The following GALNTL6 variants were observed in gnomAD, a reference collection of about 807,000 sequenced individuals.
GALNTL6 encodes the protein polypeptide N-acetylgalactosaminyltransferase like 6.
A neutral mutation model predicts 73.7 loss-of-function variants in GALNTL6; 46 were observed. The observed-to-expected ratio is 0.62, with a 90% CI of 0.49 to 0.80. The LOEUF (loss-of-function observed/expected upper bound fraction) is 0.80, where lower values mean the gene tolerates loss of function less well. GALNTL6 is among the 30% of genes least tolerant of loss of function. GALNTL6 has a pLI of 0.00. For missense variants in GALNTL6, 604 were observed against 755.0 expected (o/e 0.80, Z 2.34); for synonymous variants, 259 against 263.7 (o/e 0.98, Z 0.17).
chr4:172,501,805 C>A (rs72995078), intron 5 of GALNTL6, among the ~76,000 whole-genome samples: 108 of 152,198 alleles, frequency 7.1e-4, no homozygotes, highest in African/African-American at 2.5e-3. Flanking sequence ...GTATAAGCCT[C>A]CTATAGTTGA....
intron 2 of GALNTL6, among the ~76,000 whole-genome samples, chr4:172,105,049 T>C (rs926007299): frequency 7.3e-5 from 11 of 151,378 alleles, no homozygotes; most frequent in Non-Finnish European, 1.3e-4. Context: ...CAATAGCAAA[T>C]GCAAATAGAT....
At chr4:171,972,706 C>T (rs978820024) in intron 2 of GALNTL6, among the ~76,000 whole-genome samples, 4 of 151,844 alleles carry the variant, frequency 2.6e-5, no homozygotes, top group Non-Finnish European at 4.4e-5. Flanking sequence ...ATAGAATTAA[C>T]TTTTTATAAC....
chr4:172,415,676 C>T (rs1468165385), intron 5 of GALNTL6, among the ~76,000 whole-genome samples: 2 of 152,086 alleles, frequency 1.3e-5, no homozygotes, highest in African/African-American at 2.4e-5. Flanking sequence ...CATCCGCGGA[C>T]TCACGTCTCC....
chr4:172,982,409 CTTTG>C (rs1366516700), intron 10 of GALNTL6, among the ~76,000 whole-genome samples: 1 of 152,190 alleles, frequency 6.6e-6, no homozygotes, highest in Non-Finnish European at 1.5e-5. Context: ...GGCTAAGCTT[CTTTG>C]TTTATTTGTG....
intron 2 of GALNTL6, among the ~76,000 whole-genome samples, chr4:171,870,360 C>T (rs1473778594): frequency 6.6e-6 from 1 of 152,164 alleles, no homozygotes; most frequent in Non-Finnish European, 1.5e-5. Context: ...ACAAAGAGGC[C>T]TCTTCCAGAC....
At chr4:172,250,915 A>G (rs1037969710) in intron 3 of GALNTL6, among the ~76,000 whole-genome samples, 1 of 152,198 alleles carries the variant, frequency 6.6e-6, no homozygotes, top group Non-Finnish European at 1.5e-5. Flanking sequence ...CACCTGGAGC[A>G]CACTGCACAA....
chr4:172,343,600 A>C (rs1212823524), intron 4 of GALNTL6, among the ~76,000 whole-genome samples: 1 of 152,196 alleles, frequency 6.6e-6, no homozygotes, highest in Non-Finnish European at 1.5e-5. Flanking sequence ...AATAAATGTT[A>C]AGTATGTGTT....
chr4:172,526,730 T>C (rs1734970231), intron 5 of GALNTL6, among the ~76,000 whole-genome samples: 2 of 152,170 alleles, frequency 1.3e-5, no homozygotes, highest in South Asian at 4.1e-4. Context: ...TCGTACTTCT[T>C]AGATCCTTTA....
At chr4:172,976,963 AT>A (rs2126421695) in intron 10 of GALNTL6, among the ~76,000 whole-genome samples, 1 of 152,358 alleles carries the variant, frequency 6.6e-6, no homozygotes, top group South Asian at 2.1e-4. Context: ...TGTGAGTAAA[AT>A]CAGTGCATTT....
At chr4:172,176,494 C>T (rs1304796018) in intron 2 of GALNTL6, among the ~76,000 whole-genome samples, 1 of 151,526 alleles carries the variant, frequency 6.6e-6, no homozygotes. Flanking sequence ...AGAATGTAGC[C>T]ATTTGGGGAC....
At chr4:172,469,793 TA>T (rs1248856352) in intron 5 of GALNTL6, among the ~76,000 whole-genome samples, 1 of 152,214 alleles carries the variant, frequency 6.6e-6, no homozygotes, top group African/African-American at 2.4e-5. Context: ...TTTATTTATT[TA>T]AAAAATAATT....
chr4:171,920,052 A>C (rs1489379492), intron 2 of GALNTL6, among the ~76,000 whole-genome samples: 1 of 152,212 alleles, frequency 6.6e-6, no homozygotes, highest in East Asian at 1.9e-4. Context: ...TGTGGCACAT[A>C]TACGCCATGG....
chr4:172,926,255 C>G (rs1170907918), intron 8 of GALNTL6, among the ~76,000 whole-genome samples: 2 of 152,168 alleles, frequency 1.3e-5, no homozygotes, highest in Non-Finnish European at 2.9e-5. Flanking sequence ...GAACTCTACC[C>G]TCATAACTTA....
chr4:172,128,523 T>C (rs1187787250), intron 2 of GALNTL6, among the ~76,000 whole-genome samples: 2 of 152,188 alleles, frequency 1.3e-5, no homozygotes, highest in African/African-American at 4.8e-5. Context: ...ACAGGAACTG[T>C]TTACGTGGCT....
chr4:172,379,911 A>G (rs1401270700), intron 5 of GALNTL6: 3 of 569,476 alleles, frequency 5.3e-6, no homozygotes, highest in Non-Finnish European at 9.6e-6. Flanking sequence ...AAAGGACTGA[A>G]GAAGTCTGGG....
Position 172,817,368 on chromosome 4 carries a change from T to G in GALNTL6, c.923+3645T>G, listed in dbSNP as rs115452739. On this transcript the variant is annotated intron_variant, in intron 7 of 12. Coordinates refer to ENST00000506823, the MANE Select transcript of GALNTL6 (RefSeq NM_001034845.3). ...ATCACCTAAGCCTAAGAAGTTGAGG[T>G]TTCAGTGAGCCATGATCACACCACT... 8.3e-3 allele frequency among the ~76,000 whole-genome samples: 1,263 copies of G among 151,992 alleles called. 16 individuals are homozygous for G. The highest frequency in any genetic ancestry group is 0.029 in the African/African-American group (1,200 of 41,416).
chr4:172,922,154 C>A (rs1365723247), intron 8 of GALNTL6, among the ~76,000 whole-genome samples: 1 of 152,218 alleles, frequency 6.6e-6, no homozygotes. Context: ...CTCTTGCCAC[C>A]ACCGTGTAAG....
chr4:171,849,376 TTAA>T (rs1462309251), intron 2 of GALNTL6, among the ~76,000 whole-genome samples: 4 of 152,304 alleles, frequency 2.6e-5, no homozygotes, highest in Middle Eastern at 3.4e-3. Flanking sequence ...GATCACTCCC[TTAA>T]TAATAATAGG....
At position 172,299,602 on chromosome 4, in the gene GALNTL6, T is replaced by A. The variant is rs182547570; in HGVS notation, c.248-12012T>A. 2.6e-5 allele frequency among the ~76,000 whole-genome samples: 4 copies of A among 152,354 alleles called. No homozygotes were observed. In the East Asian group the frequency reaches 7.7e-4, roughly 29 times the overall value. On this transcript the variant is annotated intron_variant, in intron 3 of 12. Coordinates refer to ENST00000506823, the MANE Select transcript of GALNTL6 (RefSeq NM_001034845.3). ...TCATTGGTTTCAAAGAACATCTTTA[T>A]TTCTGCCTTCATTTCGTTATGTACC...
Sources: gnomAD v4.1 joint callset for allele counts (sites outside exome capture counted in the v4.1 genomes callset) on GRCh38, gnomAD v4.1.1 for gene constraint, MANE v1.5 for transcripts, NCBI Gene and HGNC (gene_info 2026-07-23, HGNC 2026-07-21) for gene names.